Variants in GBE1 observed in about 807,000 individuals in gnomAD.
The protein encoded by GBE1 is 1,4-alpha-glucan branching enzyme 1.
GBE1 carries 70 observed loss-of-function variants against 88.8 expected under a neutral mutation model. The ratio of observed to expected loss-of-function variants is 0.79; its 90% CI spans 0.65 to 0.96. The LOEUF is 0.96. Among genes scored for constraint, GBE1 ranks in the 40% least tolerant of loss-of-function variants. The pLI, the probability that GBE1 is intolerant of heterozygous loss-of-function variation, is 0.00. For missense variants in GBE1, 872 were observed against 871.0 expected (o/e 1.00, Z -0.01); for synonymous variants, 284 against 300.1 (o/e 0.95, Z 0.56).
intron 2 of GBE1, among the ~76,000 whole-genome samples, chr3:81,704,479 G>A (rs1172213256): frequency 1.3e-5 from 2 of 151,990 alleles, no homozygotes; most frequent in East Asian, 3.9e-4. Context: ...ACGTCCCTCT[G>A]TAATCAACCT....
intron 7 of GBE1, among the ~76,000 whole-genome samples, chr3:81,615,160 G>A (rs1022012674): frequency 6.6e-5 from 10 of 152,072 alleles, no homozygotes; most frequent in South Asian, 4.2e-4. Flanking sequence ...ATTATTAATC[G>A]TGGGTATATT....
intron 14 of GBE1, among the ~76,000 whole-genome samples, chr3:81,517,678 T>C (rs1210979354): frequency 1.3e-5 from 2 of 151,536 alleles, no homozygotes; most frequent in African/African-American, 4.8e-5. Context: ...ATATTAATTG[T>C]GAATTCTACA....
At chr3:81,546,638 G>A (rs1703207885) in intron 12 of GBE1, among the ~76,000 whole-genome samples, 1 of 151,430 alleles carries the variant, frequency 6.6e-6, no homozygotes, top group Non-Finnish European at 1.5e-5. Context: ...TCCCACCAGT[G>A]CCACAACAGT....
intron 12 of GBE1, among the ~76,000 whole-genome samples, chr3:81,569,596 G>A (rs971016068): frequency 2.0e-5 from 3 of 152,108 alleles, no homozygotes; most frequent in African/African-American, 4.8e-5. Flanking sequence ...CAAAGAACCT[G>A]GGGAATGTGC....
intron 14 of GBE1, among the ~76,000 whole-genome samples, chr3:81,505,290 A>C (rs993045988): frequency 2.6e-5 from 4 of 152,200 alleles, no homozygotes; most frequent in African/African-American, 9.7e-5. Flanking sequence ...AAGGCAGAAA[A>C]TATCAGGTTC....
At chr3:81,642,482 A>G (rs899462627) in intron 7 of GBE1, 31 of 234,590 alleles carry the variant, frequency 1.3e-4, no homozygotes, top group African/African-American at 7.0e-4. Context: ...TTTAAGTCAA[A>G]TTGATAAAGT....
At chr3:81,621,966 A>G (rs1704339409) in intron 7 of GBE1, among the ~76,000 whole-genome samples, 2 of 152,216 alleles carry the variant, frequency 1.3e-5, no homozygotes, top group Admixed American at 6.5e-5. Flanking sequence ...TTTTTATTAC[A>G]TCAGATAAAT....
At chr3:81,521,194 A>G (rs1472827863) in intron 14 of GBE1, among the ~76,000 whole-genome samples, 1 of 151,576 alleles carries the variant, frequency 6.6e-6, no homozygotes, top group Non-Finnish European at 1.5e-5. Flanking sequence ...CTGTTCAAAA[A>G]TTCAGACATG....
At chr3:81,646,956 C>CTTT (rs34290906) in intron 5 of GBE1, among the ~76,000 whole-genome samples, 16 of 132,428 alleles carry the variant, frequency 1.2e-4, no homozygotes, top group South Asian at 2.4e-4. Flanking sequence ...CATAAGGTAG[C>CTTT]TTTTTTTTTT....
At chr3:81,704,775 T>C (rs1394570448) in intron 2 of GBE1, among the ~76,000 whole-genome samples, 1 of 152,118 alleles carries the variant, frequency 6.6e-6, no homozygotes, top group Non-Finnish European at 1.5e-5. Flanking sequence ...TATTTACCCT[T>C]CAAGAATAAA....
chr3:81,729,155 T>C (rs948687302), intron 1 of GBE1, among the ~76,000 whole-genome samples: 1 of 152,158 alleles, frequency 6.6e-6, no homozygotes, highest in African/African-American at 2.4e-5. Context: ...GGAATTCCAC[T>C]ATAAAATGGA....
intron 5 of GBE1, among the ~76,000 whole-genome samples, 182 bp downstream of exon 5, chr3:81,648,674 T>C (rs891174716): frequency 9.2e-5 from 14 of 152,110 alleles, no homozygotes; most frequent in Admixed American, 5.9e-4. Context: ...CTCTATCTTA[T>C]TCCATTTCTC....
intron 8 of GBE1, among the ~76,000 whole-genome samples, chr3:81,593,018 G>T (rs1297742695): frequency 6.7e-6 from 1 of 149,368 alleles, no homozygotes; most frequent in Non-Finnish European, 1.5e-5. Flanking sequence ...CACCCCCTTT[G>T]TTTTTTTCTT....
intron 15 of GBE1, among the ~76,000 whole-genome samples, chr3:81,490,901 A>G (rs1209430811): frequency 6.6e-6 from 1 of 152,074 alleles, no homozygotes; most frequent in East Asian, 1.9e-4. Flanking sequence ...CAAAAACTGA[A>G]ATGTAATACA....
intron 12 of GBE1, among the ~76,000 whole-genome samples, chr3:81,574,237 T>G (rs1294207223): frequency 6.6e-6 from 1 of 152,196 alleles, no homozygotes; most frequent in East Asian, 1.9e-4. Flanking sequence ...TTAAATGGAA[T>G]TAGGACATCA....
chr3:81,564,673 C>G (rs943487629), intron 12 of GBE1, among the ~76,000 whole-genome samples: 1 of 152,046 alleles, frequency 6.6e-6, no homozygotes, highest in Non-Finnish European at 1.5e-5. Flanking sequence ...CAGGAAGGAT[C>G]TGAGGTGAAA....
intron 7 of GBE1, among the ~76,000 whole-genome samples, chr3:81,635,237 C>T (rs1194891454): frequency 6.6e-6 from 1 of 152,122 alleles, no homozygotes; most frequent in Admixed American, 6.6e-5. Context: ...CTATCGGCTT[C>T]TCTTACATAT....
chr3:81,608,372 G>A (rs377369541), intron 7 of GBE1, among the ~76,000 whole-genome samples: 1 of 152,090 alleles, frequency 6.6e-6, no homozygotes, highest in South Asian at 2.1e-4. Flanking sequence ...TTTTATTTAA[G>A]AAATATAAAT....
chr3:81,524,555 G>C (rs1702918856), intron 14 of GBE1, among the ~76,000 whole-genome samples: 1 of 151,596 alleles, frequency 6.6e-6, no homozygotes, highest in African/African-American at 2.4e-5. Context: ...TAAGATTTCA[G>C]TCTTTAATCC....
Sources: gnomAD v4.1 joint callset for allele counts (sites outside exome capture counted in the v4.1 genomes callset) on GRCh38, gnomAD v4.1.1 for gene constraint, MANE v1.5 for transcripts, NCBI Gene and HGNC (gene_info 2026-07-23, HGNC 2026-07-21) for gene names.